INSL6: variants seen among roughly 807,000 people sequenced by gnomAD.
INSL6 encodes insulin like 6.
Under a neutral mutation model 9.4 loss-of-function variants are expected in INSL6, and 16 were observed. The ratio of observed to expected loss-of-function variants is 1.70; its 90% CI spans 1.15 to 2.59. The LOEUF (loss-of-function observed/expected upper bound fraction) is 2.59, where lower values mean the gene tolerates loss of function less well. Among genes scored for constraint, INSL6 ranks in the 30% most tolerant of loss-of-function variants. INSL6 has a pLI of 0.00. For synonymous variants in INSL6, 154 were observed against 96.9 expected, an observed-to-expected ratio of 1.59 and a Z score of -3.46; for missense variants, 391 against 257.3, an observed-to-expected ratio of 1.52 and a Z score of -3.56.
the INSL6 span, chr9:5,086,015 A>G: frequency 2.5e-6 from 2 of 814,746 alleles, no homozygotes; most frequent in South Asian, 1.3e-5. Flanking sequence ...GTGATATACT[A>G]TATACATTTG....
At chr9:5,036,534 G>C in the INSL6 span, among the ~76,000 whole-genome samples, 2 of 151,660 alleles carry the variant, frequency 1.3e-5, no homozygotes, top group Admixed American at 1.3e-4. Context: ...CAGAGATATA[G>C]ACCAATGGAA....
chr9:5,033,875 A>T, the INSL6 span, among the ~76,000 whole-genome samples: 1 of 152,196 alleles, frequency 6.6e-6, no homozygotes, highest in East Asian at 1.9e-4. Context: ...GACCGGATCA[A>T]ATTCACCCAT....
chr9:5,018,104 C>T, the INSL6 span, among the ~76,000 whole-genome samples: 2 of 152,252 alleles, frequency 1.3e-5, no homozygotes, highest in Admixed American at 1.3e-4. Context: ...CAAGTTTATT[C>T]TTGATATGTG....
At chr9:5,162,961 T>C (rs1379298526), downstream of INSL6, among the ~76,000 whole-genome samples, 1 of 152,178 alleles carries the variant, frequency 6.6e-6, no homozygotes, top group Non-Finnish European at 1.5e-5. Context: ...AATTATGTCA[T>C]GTGTGGACAG....
At chr9:5,078,521 T>G in the INSL6 span, 3 of 1,059,276 alleles carry the variant, frequency 2.8e-6, no homozygotes, top group African/African-American at 4.8e-5. Flanking sequence ...TTGTTAATTT[T>G]CCTTGAATTC....
chr9:5,032,257 A>C, the INSL6 span, among the ~76,000 whole-genome samples: 1 of 152,358 alleles, frequency 6.6e-6, no homozygotes, highest in African/African-American at 2.4e-5. Flanking sequence ...CAGGAAGCTC[A>C]AACTGGGTGG....
chr9:5,174,448 C>A (rs1202466013), intron 1 of INSL6, among the ~76,000 whole-genome samples: 2 of 152,160 alleles, frequency 1.3e-5, no homozygotes, highest in African/African-American at 2.4e-5. Context: ...ATGAAATACA[C>A]CTCTTCCTGA....
chr9:5,043,641 C>T, the INSL6 span, among the ~76,000 whole-genome samples: 223 of 152,296 alleles, frequency 1.5e-3, 4 homozygotes, highest in Non-Finnish European at 2.5e-3. Context: ...AAAACTTGTA[C>T]ATGACTCTTC....
At chr9:5,171,623 G>A (rs1349679528) in intron 1 of INSL6, among the ~76,000 whole-genome samples, 1 of 152,208 alleles carries the variant, frequency 6.6e-6, no homozygotes, top group Non-Finnish European at 1.5e-5. Flanking sequence ...TTCTTAAGCT[G>A]ATAAGCAAAT....
chr9:5,014,392 A>G, the INSL6 span, among the ~76,000 whole-genome samples: 78 of 152,266 alleles, frequency 5.1e-4, no homozygotes, highest in Middle Eastern at 3.4e-3. Context: ...CATTTATTCA[A>G]CAACTTTCAT....
At chr9:5,171,346 T>C (rs917313967) in intron 1 of INSL6, among the ~76,000 whole-genome samples, 4 of 152,036 alleles carry the variant, frequency 2.6e-5, no homozygotes, top group Admixed American at 6.5e-5. Context: ...CTCAAAATAA[T>C]AGCCATTTAT....
chr9:5,077,175 T>C, the INSL6 span, among the ~76,000 whole-genome samples: 1 of 148,298 alleles, frequency 6.7e-6, no homozygotes, highest in Non-Finnish European at 1.5e-5. Flanking sequence ...CATAATTCAG[T>C]ACTAATATAT....
At chr9:5,175,367 C>A (rs1367877170) in intron 1 of INSL6, among the ~76,000 whole-genome samples, 1 of 152,204 alleles carries the variant, frequency 6.6e-6, no homozygotes, top group Non-Finnish European at 1.5e-5. Flanking sequence ...TAACAGGTCT[C>A]TCTGTTTCTA....
the INSL6 span, among the ~76,000 whole-genome samples, chr9:4,998,328 C>G: frequency 2.6e-5 from 4 of 151,890 alleles, no homozygotes; most frequent in Non-Finnish European, 5.9e-5. Flanking sequence ...ATTATCTCAG[C>G]TCACTGCAAC....
chr9:5,147,556 G>C (rs1191568167), intron 2 of INSL6, among the ~76,000 whole-genome samples: 2 of 152,134 alleles, frequency 1.3e-5, no homozygotes, highest in African/African-American at 2.4e-5. Context: ...TTTCGGAATG[G>C]GGTTTCTTGC....
intron 1 of INSL6, among the ~76,000 whole-genome samples, chr9:5,169,657 A>G (rs1825135247): frequency 6.7e-6 from 1 of 148,464 alleles, no homozygotes; most frequent in Non-Finnish European, 1.5e-5. Context: ...CATAGACTCA[A>G]AATAAAGTAT....
At chr9:5,163,668 T>G (rs1338456850), downstream of INSL6, among the ~76,000 whole-genome samples, 4 of 152,110 alleles carry the variant, frequency 2.6e-5, no homozygotes, top group East Asian at 7.7e-4. Flanking sequence ...AACAGGTAAC[T>G]CTTAGATGTC....
chr9:5,161,745 G>A (rs964470824), downstream of INSL6, among the ~76,000 whole-genome samples: 4 of 152,060 alleles, frequency 2.6e-5, no homozygotes, highest in Non-Finnish European at 5.9e-5. Flanking sequence ...AAAGTTGCAG[G>A]ATACAAAATC....
the INSL6 span, among the ~76,000 whole-genome samples, chr9:5,021,628 T>C: frequency 6.6e-6 from 1 of 152,186 alleles, no homozygotes; most frequent in Non-Finnish European, 1.5e-5. Context: ...ACTTTATTTA[T>C]TTATGTATTC....
Sources: allele counts gnomAD v4.1 joint callset (sites outside exome capture counted in the v4.1 genomes callset), GRCh38; gene constraint gnomAD v4.1.1; transcripts MANE v1.5; gene names NCBI Gene and HGNC (gene_info 2026-07-23, HGNC 2026-07-21).